CAPS2: variants seen among roughly 807,000 people sequenced by gnomAD.
The protein encoded by CAPS2 is calcyphosin-2.
CAPS2 carries 98 observed loss-of-function variants against 86.5 expected under a neutral mutation model. That is an observed-to-expected ratio of 1.13 (90% CI 0.96 to 1.34). The LOEUF is 1.34. CAPS2 is among the 40% of genes most tolerant of loss of function. The probability of loss-of-function intolerance (pLI) is 0.00; values close to 1 mark genes in which losing one functional copy is unlikely to be tolerated. For synonymous variants in CAPS2, 210 were observed against 225.1 expected, an observed-to-expected ratio of 0.93 and a Z score of 0.60; for missense variants, 729 against 686.8, an observed-to-expected ratio of 1.06 and a Z score of -0.69.
intron 1 of CAPS2, among the ~76,000 whole-genome samples, chr12:75,353,100 G>C (rs2042921543): frequency 6.6e-6 from 1 of 151,958 alleles, no homozygotes; most frequent in Admixed American, 6.6e-5. Flanking sequence ...AGAACCAAGA[G>C]CAAACAAACC....
chr12:75,361,389 C>T (rs2043580312), intron 1 of CAPS2, among the ~76,000 whole-genome samples: 1 of 152,164 alleles, frequency 6.6e-6, no homozygotes, highest in South Asian at 2.1e-4. Flanking sequence ...TGTAGCTTGG[C>T]TTTCAGGTTT....
At chr12:75,302,298 G>C (rs578078083) in intron 8 of CAPS2, among the ~76,000 whole-genome samples, 1 of 152,080 alleles carries the variant, frequency 6.6e-6, no homozygotes, top group Non-Finnish European at 1.5e-5. Flanking sequence ...CTAATACAAC[G>C]CAATACTAAT....
At chr12:75,390,821 GA>G (rs1163672950) in intron 1 of CAPS2, 1 of 601,826 alleles carries the variant, frequency 1.7e-6, no homozygotes, top group East Asian at 3.8e-5. Flanking sequence ...TTAGTTTAGT[GA>G]AAAGGGCTTA....
chr12:75,364,711 A>G (rs1164986931), intron 1 of CAPS2: 1 of 152,228 alleles, frequency 6.6e-6, no homozygotes, highest in Non-Finnish European at 1.5e-5. Flanking sequence ...TACACAGAAC[A>G]TAAGCATTAT....
chr12:75,283,806 T>C (rs2034400170), intron 15 of CAPS2, among the ~76,000 whole-genome samples: 1 of 151,656 alleles, frequency 6.6e-6, no homozygotes, highest in Non-Finnish European at 1.5e-5. Flanking sequence ...AGAGCAAGAC[T>C]CCACCTCAAA....
intron 8 of CAPS2, among the ~76,000 whole-genome samples, chr12:75,301,751 C>A (rs188682821): frequency 4.1e-4 from 62 of 152,144 alleles, no homozygotes; most frequent in Admixed American, 2.4e-3. Context: ...TTAACAGTGA[C>A]AAATGGAAGT....
chr12:75,298,832 T>C, intron 10 of CAPS2, 39 bp downstream of exon 10: 1 of 1,590,684 alleles, frequency 6.3e-7, no homozygotes, highest in Admixed American at 1.7e-5. Context: ...CTCTCGGAAG[T>C]GAACATCTCC....
At chr12:75,340,294 C>T (rs2042017869) in intron 1 of CAPS2, among the ~76,000 whole-genome samples, 3 of 151,666 alleles carry the variant, frequency 2.0e-5, no homozygotes, top group South Asian at 2.1e-4. Context: ...CAAAAAACGA[C>T]GTATTTTCCT....
chr12:75,283,668 G>T (rs995273864), intron 15 of CAPS2, among the ~76,000 whole-genome samples: 4 of 152,034 alleles, frequency 2.6e-5, no homozygotes, highest in African/African-American at 9.7e-5. Flanking sequence ...ACAAAAATTA[G>T]CCAGGCATCG....
chr12:75,339,577 C>A (rs527440449), intron 1 of CAPS2, among the ~76,000 whole-genome samples: 1 of 152,136 alleles, frequency 6.6e-6, no homozygotes, highest in African/African-American at 2.4e-5. Flanking sequence ...TTTTGCCGTA[C>A]AGAAGCTCTT....
At chr12:75,308,569 C>G (rs140306944) in intron 7 of CAPS2, among the ~76,000 whole-genome samples, 1 of 152,234 alleles carries the variant, frequency 6.6e-6, no homozygotes, top group East Asian at 1.9e-4. Flanking sequence ...TGGACACCCT[C>G]CACTGGTAAT....
At chr12:75,321,506 T>A (rs2138999057) in exon 5 of CAPS2, 1 of 1,548,286 alleles carries the variant, frequency 6.5e-7, no homozygotes, top group East Asian at 2.5e-5. Flanking sequence ...AATTTCAGTT[T>A]TACATTGCTG....
chr12:75,287,774 C>A (rs747570920), intron 14 of CAPS2, among the ~76,000 whole-genome samples: 2 of 152,064 alleles, frequency 1.3e-5, no homozygotes, highest in Non-Finnish European at 2.9e-5. Flanking sequence ...GTGAGCTGCT[C>A]CAGCAAATTA....
At position 75,296,787 on chromosome 12, in the gene CAPS2, G is replaced by T. The variant is rs1362964242; in HGVS notation, c.1044+1900C>A. On this transcript the variant is annotated intron_variant, in intron 11 of 16. Transcript: ENST00000393284. ...ACCACCAAAAAAAAAGAGGGATAGG[G>T]TTGAATATTTCTGCATAAAACAATA... Among the ~76,000 whole-genome samples, 8 of 152,332 alleles carry T rather than the reference G, an allele frequency of 5.3e-5. No individual in the cohort carries two copies. In the South Asian group the frequency reaches 1.7e-3, roughly 32 times the overall value.
chr12:75,369,948 T>A, intron 1 of CAPS2: 2 of 1,178,924 alleles, frequency 1.7e-6, no homozygotes, highest in Non-Finnish European at 2.3e-6. Flanking sequence ...TTAACTTTAA[T>A]TTTTACTTTA....
chr12:75,368,364 A>C (rs866361319), intron 1 of CAPS2, among the ~76,000 whole-genome samples: 1 of 149,584 alleles, frequency 6.7e-6, no homozygotes, highest in Admixed American at 6.8e-5. Context: ...AACTTTAACA[A>C]TTTTTTCCTG....
At chr12:75,331,037 G>C (rs2041261202), upstream of CAPS2, among the ~76,000 whole-genome samples, 1 of 152,138 alleles carries the variant, frequency 6.6e-6, no homozygotes, top group Admixed American at 6.5e-5. Context: ...CCCTGCCTCA[G>C]ACTCCCAGAG....
intron 1 of CAPS2, among the ~76,000 whole-genome samples, chr12:75,381,384 T>C (rs1325227790): frequency 6.6e-6 from 1 of 152,092 alleles, no homozygotes; most frequent in Non-Finnish European, 1.5e-5. Flanking sequence ...ATCAGCAGCA[T>C]GAAAACAAAC....
At chr12:75,303,525 G>T (rs1388649914) in intron 8 of CAPS2, among the ~76,000 whole-genome samples, 3 of 152,142 alleles carry the variant, frequency 2.0e-5, no homozygotes, top group Non-Finnish European at 2.9e-5. Flanking sequence ...TGAGCATTTG[G>T]TACATGAGTG....
Sources: allele counts gnomAD v4.1 joint callset (sites outside exome capture counted in the v4.1 genomes callset), GRCh38; gene constraint gnomAD v4.1.1; transcripts MANE v1.5; gene names NCBI Gene and HGNC (gene_info 2026-07-23, HGNC 2026-07-21).